Variants in EPB41L1 observed in about 807,000 individuals in gnomAD.
EPB41L1 encodes band 4.1-like protein 1.
Under a neutral mutation model 97.8 loss-of-function variants are expected in EPB41L1, and 29 were observed. That is an observed-to-expected ratio of 0.30 (90% CI 0.22 to 0.40). The LOEUF (loss-of-function observed/expected upper bound fraction) is 0.40. Ranked by LOEUF, EPB41L1 falls within the 10% of genes least tolerant of loss-of-function variation. EPB41L1 has a pLI of 1.00. For missense variants in EPB41L1, 812 were observed against 1,162.3 expected (o/e 0.70, Z 4.38); for synonymous variants, 383 against 459.2 (o/e 0.83, Z 2.12).
intron 2 of EPB41L1, among the ~76,000 whole-genome samples, chr20:36,133,562 T>C (rs1276676478): frequency 6.6e-6 from 1 of 152,124 alleles, no homozygotes; most frequent in Non-Finnish European, 1.5e-5. Flanking sequence ...GCATTAAAGA[T>C]AATATTAATA....
intron 2 of EPB41L1, among the ~76,000 whole-genome samples, chr20:36,140,434 G>GC (rs2059596734): frequency 6.6e-6 from 1 of 151,996 alleles, no homozygotes; most frequent in Non-Finnish European, 1.5e-5. Context: ...AGACACAATT[G>GC]TTTTTCCATT....
Position 36,220,157 on chromosome 20 carries a change from T to A in EPB41L1, c.2439+313T>A, listed in dbSNP as rs185543348. Among the ~76,000 whole-genome samples, 110 of 152,344 alleles carry A rather than the reference T, an allele frequency of 7.2e-4. 1 individual carries two copies. The highest frequency in any genetic ancestry group is 2.6e-3 in the African/African-American group (108 of 41,578). ...AGACGGGGTGACATATGGGAGGCCC[T>A]GCAAGAGTCAGGAAGCATCTCCTGG... is the stretch of plus-strand genomic sequence containing the variant. On this transcript the variant is annotated intron_variant, in intron 19 of 21. Transcript: ENST00000338074.
intron 14 of EPB41L1, among the ~76,000 whole-genome samples, chr20:36,200,383 C>T (rs2062432348): frequency 6.6e-6 from 1 of 152,188 alleles, no homozygotes; most frequent in Non-Finnish European, 1.5e-5. Context: ...CTGTGTCATC[C>T]AGAATTCCTA....
At chr20:36,219,690 C>G (rs1365802904) in intron 18 of EPB41L1, 71 bp from the exon 19 acceptor site, 1 of 1,359,646 alleles carries the variant, frequency 7.4e-7, no homozygotes, top group African/African-American at 1.4e-5. Flanking sequence ...TTTACCCCAC[C>G]CCGCCCTCAC....
intron 2 of EPB41L1, among the ~76,000 whole-genome samples, chr20:36,175,162 G>C (rs1214814320): frequency 6.6e-6 from 1 of 152,194 alleles, no homozygotes; most frequent in Non-Finnish European, 1.5e-5. Context: ...ACAGCTCCCA[G>C]ACTCCTGCTA....
chr20:36,102,036 C>CAAAACAAAAAA (rs145505987), intron 1 of EPB41L1, among the ~76,000 whole-genome samples: 1 of 148,724 alleles, frequency 6.7e-6, no homozygotes, highest in African/African-American at 2.5e-5. Context: ...CAAAACAAAA[C>CAAAACAAAAAA]AAAAAAAACA....
intron 17 of EPB41L1, among the ~76,000 whole-genome samples, chr20:36,217,926 A>G (rs757606722): frequency 1.3e-5 from 2 of 152,202 alleles, no homozygotes; most frequent in Non-Finnish European, 2.9e-5. Context: ...CAGAATGGAC[A>G]CAGTTCTGGG....
chr20:36,145,857 G>C (rs765773178), intron 2 of EPB41L1, among the ~76,000 whole-genome samples: 8 of 152,172 alleles, frequency 5.3e-5, no homozygotes, highest in Non-Finnish European at 1.0e-4. Flanking sequence ...GGCTCTGCTT[G>C]GCACCAGCTC....
In EPB41L1 at chr20:36,092,760, G is replaced by T; in HGVS notation, c.-65+1148G>T. ...CTCGGAGCCCGCCGGGGCAGCCGCCGGACACCAGGACCGCGAGCCAGACAG... is the reference window on the plus strand; with the variant it reads ...CTCGGAGCCCGCCGGGGCAGCCGCCTGACACCAGGACCGCGAGCCAGACAG... On this transcript the variant is annotated intron_variant, in intron 1 of 19. Coordinates refer to the EPB41L1 transcript ENST00000202028. The surrounding 1 kb of genome is among the most constrained non-coding windows in gnomAD (Gnocchi z 7.0). The T allele has an allele frequency of 6.6e-6, 1 of 152,596 alleles. No individual in the cohort carries two copies. The highest frequency in any genetic ancestry group is 1.9e-4 in the South Asian group (1 of 5,308). The allele number at this position is 152,596 out of a possible 1,614,324, so 9.5% of individuals were successfully genotyped here. A position where few individuals can be genotyped will look rare whatever the true frequency, so the allele number is the denominator to read the frequency against.
At chr20:36,107,211 C>CTT (rs397864874) in intron 1 of EPB41L1, among the ~76,000 whole-genome samples, 117 of 114,194 alleles carry the variant, frequency 1.0e-3, no homozygotes, top group East Asian at 1.7e-3. Flanking sequence ...GAGAATATAC[C>CTT]TTTTTTTTTT....
chr20:36,198,014 C>T lies in EPB41L1; in HGVS notation c.1641C>T (p.Pro547=). Residue 547 remains proline (P), a synonymous_variant, in exon 14 of 22, where the codon CCC becomes CCT. Transcript: ENST00000338074. The part of the protein sequence containing the change: ...RLPSSPASPS[P]KGTPEKANER... ...CCTCCTCCCCCGCCTCCCCCTCCCCCAAGGGCACCCCTGAGAAAGCCAATG... is the reference window on the plus strand; with the variant it reads ...CCTCCTCCCCCGCCTCCCCCTCCCCTAAGGGCACCCCTGAGAAAGCCAATG... The T allele has an allele frequency of 6.2e-7, 1 of 1,613,680 alleles. No individual in the cohort carries two copies. The highest frequency in any genetic ancestry group is 8.5e-7 in the Non-Finnish European group (1 of 1,179,966).
At chr20:36,181,466 C>T (rs1477047153) in intron 5 of EPB41L1, among the ~76,000 whole-genome samples, 1 of 152,106 alleles carries the variant, frequency 6.6e-6, no homozygotes, top group East Asian at 1.9e-4. Flanking sequence ...AGCATTTATC[C>T]CCCTAAAATA....
At position 36,209,688 on chromosome 20, in the gene EPB41L1, G is replaced by T. The variant is rs73905303; in HGVS notation, c.1869G>T (p.Thr623=). The T allele has an allele frequency of 6.2e-7, 1 of 1,613,992 alleles. No individual in the cohort carries two copies. The highest frequency in any genetic ancestry group is 8.5e-7 in the Non-Finnish European group (1 of 1,180,032). The stretch of plus-strand genomic sequence containing the variant: ...GCCTGGAGGCTGAGGTGGACTTCAC[G>T]GTCATTGGTGACTACCATGGCAGCG... The part of the protein sequence containing the change: ...TSSLEAEVDF[T]VIGDYHGSAF... Residue 623 remains threonine (T), a synonymous_variant, in exon 15 of 22, where the codon ACG becomes ACT. Coordinates refer to ENST00000338074, the MANE Select transcript of EPB41L1 (RefSeq NM_012156.2). This position sits in a 1 kb window ranked among gnomAD's most constrained non-coding sequence, Gnocchi z 4.2.
chr20:36,155,348 G>A (rs2060249587), intron 1 of EPB41L1: 5 of 362,710 alleles, frequency 1.4e-5, no homozygotes, highest in Non-Finnish European at 2.7e-5. Context: ...CCCGCTCTGG[G>A]CTTGCCTCCC....
intron 2 of EPB41L1, among the ~76,000 whole-genome samples, chr20:36,128,522 T>C (rs1161174051): frequency 6.6e-6 from 1 of 152,142 alleles, no homozygotes; most frequent in Non-Finnish European, 1.5e-5. Context: ...GAGCTGAAAA[T>C]GGAGCAAAGT....
chr20:36,207,117 G>A lies in EPB41L1; in HGVS notation c.1669-2371G>A. ...CCTCCCCTGGTCATTCTGAGGACCT[G>A]GCAGCTCTGGAGGAAGCTTCTCCAA... is the stretch of plus-strand genomic sequence containing the variant. On this transcript the variant is annotated intron_variant, in intron 14 of 21. Transcript: ENST00000338074. The surrounding 1 kb of genome is among the most constrained non-coding windows in gnomAD (Gnocchi z 4.9). The A allele has an allele frequency of 7.8e-7, 1 of 1,289,410 alleles. No individual in the cohort carries two copies. The highest frequency in any genetic ancestry group is 1.0e-6 in the Non-Finnish European group (1 of 988,550). The allele number at this position is 1,289,410 out of a possible 1,614,324, so 79.9% of individuals were successfully genotyped here. A position where few individuals can be genotyped will look rare whatever the true frequency, so the allele number is the denominator to read the frequency against.
chr20:36,128,261 G>T (rs1451058413), intron 2 of EPB41L1, among the ~76,000 whole-genome samples: 1 of 152,210 alleles, frequency 6.6e-6, no homozygotes, highest in Non-Finnish European at 1.5e-5. Context: ...GAGACACCAA[G>T]TTCCCTTCCC....
In EPB41L1 at chr20:36,173,965, G is replaced by T. The variant is rs367558996; in HGVS notation, c.177+11G>T. 6.2e-7 allele frequency: 1 copy of T among 1,608,164 alleles called. No homozygotes were observed. Among genetic ancestry groups the T allele is most frequent in the Non-Finnish European group, 8.5e-7 (1 of 1,177,352 alleles). On this transcript the variant is annotated intron_variant, in intron 2 of 21. Transcript: ENST00000338074. ...CGGCCTGCTGAACAGGTGTGTGCCCGAGAGCATGGGCGTACCTTTCCTGCC... is the reference window on the plus strand; with the variant it reads ...CGGCCTGCTGAACAGGTGTGTGCCCTAGAGCATGGGCGTACCTTTCCTGCC...
intron 2 of EPB41L1, 142 bp from the exon 3 acceptor site, chr20:36,175,409 T>G (rs1438018566): frequency 2.2e-6 from 2 of 919,232 alleles, no homozygotes; most frequent in Non-Finnish European, 1.7e-6. Context: ...TGGACCCTAG[T>G]TGCCCTGTGG....
Sources: allele counts gnomAD v4.1 joint callset (sites outside exome capture counted in the v4.1 genomes callset), GRCh38; gene constraint gnomAD v4.1.1; non-coding constraint Gnocchi (gnomAD v3.1); transcripts MANE v1.5; gene names NCBI Gene and HGNC (gene_info 2026-07-23, HGNC 2026-07-21).